ISM2: variants seen among roughly 807,000 people sequenced by gnomAD.
ISM2 encodes isthmin 2.
ISM2 carries 50 observed loss-of-function variants against 58.0 expected under a neutral mutation model. The observed-to-expected ratio is 0.86, with a 90% confidence interval of 0.69 to 1.09. ISM2 has a LOEUF of 1.09. ISM2 is among the 50% of genes least tolerant of loss of function. ISM2 has a pLI of 0.00. For synonymous variants in ISM2, 303 were observed against 312.4 expected, an observed-to-expected ratio of 0.97 and a Z score of 0.32; for missense variants, 723 against 745.0, an observed-to-expected ratio of 0.97 and a Z score of 0.34.
intron 4 of ISM2, 60 bp downstream of exon 4, chr14:77,482,262 C>A: frequency 7.5e-7 from 1 of 1,331,640 alleles, no homozygotes; most frequent in East Asian, 2.3e-5. Context: ...TCCCTCACCC[C>A]CATTTCCACT....
rs1333871056 is a variant in ISM2 at position 77,484,580 on chromosome 14, G to C, written c.385-15C>G. 1 of 1,599,920 alleles carries C rather than the reference G, an allele frequency of 6.3e-7. No individual in the cohort carries two copies. The highest frequency in any genetic ancestry group is 8.5e-7 in the Non-Finnish European group (1 of 1,173,942). ...GAGGCTGAAGCCTGAGGAAGAGAGA[G>C]GGAAGGTGAGGTGACAGGTTAGGGC... On this transcript the variant is annotated splice_polypyrimidine_tract_variant and intron_variant, in intron 2 of 6. Transcript: ENST00000342219.
At position 77,475,867 on chromosome 14, in the gene ISM2, C is replaced by A; in HGVS notation, c.1444G>T (p.Gly482Trp). 6.2e-7 allele frequency: 1 copy of A among 1,608,574 alleles called. No individual in the cohort carries two copies. Among genetic ancestry groups the A allele is most frequent in the Non-Finnish European group, 8.5e-7 (1 of 1,179,930 alleles). The change falls in exon 7 of 7, where the codon GGG becomes TGG. Residue 482 changes from glycine (G) to tryptophan (W), a missense_variant. Transcript: ENST00000342219. The surrounding 1 kb of genome is among the most constrained non-coding windows in gnomAD (Gnocchi z 4.1). ...TGGGCGGCCAGTGTGCTGCTCTCCC[C>A]AGACAGCATGGAACGCAGGCAGAAG... is the stretch of plus-strand genomic sequence containing the variant. ...ARFCLRSMLS[G>W]ESSTLAAQHC...
intron 1 of ISM2, among the ~76,000 whole-genome samples, chr14:77,495,941 G>C (rs538781519): frequency 6.6e-6 from 1 of 152,200 alleles, no homozygotes; most frequent in African/African-American, 2.4e-5. Context: ...GGTCGGGCGT[G>C]GTGGCTGACA....
At position 77,484,412 on chromosome 14, in the gene ISM2, T is replaced by C; in HGVS notation, c.538A>G (p.Thr180Ala). Residue 180 changes from threonine (T) to alanine (A), a missense_variant, in exon 3 of 7, where the codon ACC (threonine) becomes GCC (alanine). Transcript: ENST00000342219. ...LTPGNATPPR[T>A]QEVTPLLLEL... Reference sequence around the variant, plus strand: ...AGCAGCAAGGGAGTAACCTCCTGGGTCCTGGGAGGCGTGGCATTCCCTGGG... The same window carrying C: ...AGCAGCAAGGGAGTAACCTCCTGGGCCCTGGGAGGCGTGGCATTCCCTGGG... The C allele has an allele frequency of 6.2e-7, 1 of 1,612,300 alleles. No individual in the cohort carries two copies. Among genetic ancestry groups the C allele is most frequent in the Non-Finnish European group, 8.5e-7 (1 of 1,179,508 alleles).
intron 1 of ISM2, among the ~76,000 whole-genome samples, chr14:77,496,444 C>A (rs896623615): frequency 1.2e-4 from 18 of 147,078 alleles, no homozygotes; most frequent in African/African-American, 3.8e-4. Flanking sequence ...GCCAAGATCA[C>A]GCCATTGCAC....
intron 6 of ISM2, among the ~76,000 whole-genome samples, chr14:77,477,468 C>G (rs1481185262): frequency 4.6e-5 from 7 of 152,174 alleles, no homozygotes; most frequent in African/African-American, 1.7e-4. Context: ...AATGGTAACA[C>G]AGGAGAGGGG....
rs746205247 is a variant in ISM2, at chr14:77,482,436, C to T, written c.859G>A (p.Asp287Asn). The change falls in exon 4 of 7, where the codon GAC (aspartate) becomes AAC (asparagine). Residue 287 changes from aspartate (D) to asparagine (N), a missense_variant. Asp to Asn is a conservative substitution (Grantham distance 23). Transcript: ENST00000342219. ...SEDIEGEDQE[D>N]KEEDEEEQAL... Reference sequence around the variant, plus strand: ...TGCTCTTCCTCATCTTCCTCTTTGTCCTCTTGATCCTCACCCTCGATATCC... The same window carrying T: ...TGCTCTTCCTCATCTTCCTCTTTGTTCTCTTGATCCTCACCCTCGATATCC... The T allele has an allele frequency of 6.2e-7, 1 of 1,614,202 alleles. No homozygotes were observed. Among genetic ancestry groups the T allele is most frequent in the South Asian group, 1.1e-5 (1 of 91,082 alleles).
chr14:77,497,779 G>C (rs1186831315), intron 1 of ISM2, among the ~76,000 whole-genome samples: 1 of 103,128 alleles, frequency 9.7e-6, no homozygotes, highest in South Asian at 3.5e-4. Flanking sequence ...GGGAAGGAAG[G>C]AAGGAAGGAA....
intron 1 of ISM2, among the ~76,000 whole-genome samples, chr14:77,497,367 C>CAAAAA (rs35676781): frequency 7.7e-5 from 5 of 64,780 alleles, no homozygotes; most frequent in Non-Finnish European, 1.3e-4. Context: ...GGCTCTGTCT[C>CAAAAA]AAAAAAAAAA....
intron 6 of ISM2, 51 bp from the exon 7 acceptor site, chr14:77,476,163 C>A: frequency 6.7e-7 from 1 of 1,494,914 alleles, no homozygotes; most frequent in Non-Finnish European, 8.9e-7. Context: ...GAGCCAGGCC[C>A]GTGTGGGGCG....
intron 1 of ISM2, among the ~76,000 whole-genome samples, chr14:77,494,908 G>C (rs564761455): frequency 1.3e-5 from 2 of 151,958 alleles, no homozygotes; most frequent in Non-Finnish European, 2.9e-5. Context: ...TTTTGAGACA[G>C]GGTCTCGCTT....
In ISM2 at chr14:77,478,628, C is replaced by T. The variant is rs1258041800; in HGVS notation, c.1061G>A (p.Gly354Asp). The change falls in exon 5 of 7, where the codon GGC becomes GAC. Residue 354 changes from glycine (G) to aspartate (D), a missense_variant. Coordinates refer to ENST00000342219, the MANE Select transcript of ISM2 (RefSeq NM_199296.3). ...GGTCTCGGTGGCAGTGCAGCCATAG[C>T]CACAGGGCCGAGTCCTCTGCTGCTT... Reference protein sequence around the residue: ...TGKQQRTRPCGYGCTATETRT... With the variant: ...TGKQQRTRPCDYGCTATETRT... 6.2e-7 allele frequency: 1 copy of T among 1,610,132 alleles called. No homozygotes were observed. The highest frequency in any genetic ancestry group is 8.5e-7 in the Non-Finnish European group (1 of 1,178,406).
rs2079090334 is a variant in ISM2, at chr14:77,475,476, C to A, written c.*119G>T. 2 of 1,128,214 alleles carry A rather than the reference C, an allele frequency of 1.8e-6. No homozygotes were observed. Among genetic ancestry groups the A allele is most frequent in the South Asian group, 3.1e-5 (2 of 63,494 alleles). 69.9% of individuals were successfully genotyped at this position (1,128,214 alleles called of 1,614,324 possible). A position where few individuals can be genotyped will look rare whatever the true frequency, so the allele number is the denominator to read the frequency against. ...AGAGGGCACACAGCCTCGGACCAAC[C>A]TCACTGGGGGAGCCCTTTCCTCACC... On this transcript the variant is annotated 3_prime_UTR_variant, in exon 7 of 7. Transcript: ENST00000342219. This position sits in a 1 kb window ranked among gnomAD's most constrained non-coding sequence, Gnocchi z 4.1.
chr14:77,486,546 C>A (rs191826904), intron 1 of ISM2, among the ~76,000 whole-genome samples: 13 of 152,268 alleles, frequency 8.5e-5, no homozygotes, highest in Middle Eastern at 3.4e-3. Context: ...TGGAGCATCC[C>A]TAAGTGCTGG....
chr14:77,476,957 G>C (rs1461717398), intron 6 of ISM2, among the ~76,000 whole-genome samples: 1 of 152,164 alleles, frequency 6.6e-6, no homozygotes, highest in East Asian at 1.9e-4. Context: ...AGAATCACTT[G>C]AACCCAGGAG....
chr14:77,491,235 C>A (rs902202438), intron 1 of ISM2, among the ~76,000 whole-genome samples: 4 of 152,180 alleles, frequency 2.6e-5, no homozygotes, highest in South Asian at 2.1e-4. Context: ...CCTTCCTCTG[C>A]CCTTTGTTCT....
In ISM2 at chr14:77,475,878, G is replaced by C. The variant is rs1241925634; in HGVS notation, c.1433C>G (p.Ser478Cys). The C allele has an allele frequency of 6.2e-7, 1 of 1,606,828 alleles. No homozygotes were observed. Among genetic ancestry groups the C allele is most frequent in the Middle Eastern group, 1.6e-4 (1 of 6,062 alleles). Reference protein sequence around the residue: ...YQPTARFCLRSMLSGESSTLA... With the variant: ...YQPTARFCLRCMLSGESSTLA... ...TGTGCTGCTCTCCCCAGACAGCATG[G>C]AACGCAGGCAGAAGCGCGCCGTGGG... Residue 478 changes from serine (S) to cysteine (C), a missense_variant, in exon 7 of 7, where the codon TCC (serine) becomes TGC (cysteine). Coordinates refer to ENST00000342219, the MANE Select transcript of ISM2 (RefSeq NM_199296.3). This position sits in a 1 kb window ranked among gnomAD's most constrained non-coding sequence, Gnocchi z 4.1.
chr14:77,476,826 G>T (rs1370259496), intron 6 of ISM2, among the ~76,000 whole-genome samples: 1 of 152,198 alleles, frequency 6.6e-6, no homozygotes, highest in African/African-American at 2.4e-5. Flanking sequence ...AAGGCAGGAG[G>T]TAGGAGCTCA....
intron 6 of ISM2, among the ~76,000 whole-genome samples, chr14:77,476,931 G>A (rs545027618): frequency 7.9e-5 from 12 of 152,208 alleles, no homozygotes; most frequent in Admixed American, 3.3e-4. Flanking sequence ...CCAGCTACTC[G>A]GGAGGCTGAG....
Sources: gnomAD v4.1 joint callset for allele counts (sites outside exome capture counted in the v4.1 genomes callset) on GRCh38, gnomAD v4.1.1 for gene constraint, Gnocchi (gnomAD v3.1) non-coding constraint, MANE v1.5 for transcripts, NCBI Gene and HGNC (gene_info 2026-07-23, HGNC 2026-07-21) for gene names.